Variants in OXR1 observed in about 807,000 individuals in gnomAD.
The protein encoded by OXR1 is oxidation resistance protein 1.
A neutral mutation model predicts 104.6 loss-of-function variants in OXR1; 41 were observed. That is an observed-to-expected ratio of 0.39 (90% CI 0.31 to 0.51). The LOEUF is 0.51. OXR1 is among the 20% of genes least tolerant of loss of function. The pLI is 0.77. For missense variants in OXR1, 955 were observed against 1,031.9 expected (o/e 0.93, Z 1.02); for synonymous variants, 348 against 348.4 (o/e 1.00, Z 0.01).
chr8:106,446,842 A>G (rs951156927), intron 2 of OXR1, among the ~76,000 whole-genome samples: 1 of 152,090 alleles, frequency 6.6e-6, no homozygotes, highest in Non-Finnish European at 1.5e-5. Context: ...TGAAACAGGA[A>G]GATCACTTGA....
In OXR1 at chr8:106,448,113, G is replaced by T. The variant is rs973097006; in HGVS notation, c.24-70830G>T. The T allele has an allele frequency of 2.0e-6, 3 of 1,501,180 alleles. No individual in the cohort carries two copies. The African/African-American group carries it at 4.2e-5, about 21-fold the overall frequency. The allele number at this position is 1,501,180 out of a possible 1,614,324, so 93.0% of individuals were successfully genotyped here. On this transcript the variant is annotated intron_variant, in intron 2 of 16. Coordinates refer to ENST00000517566, the MANE Select transcript of OXR1 (RefSeq NM_001198533.2). ...TGTGTTATGAAGAAAACGTTTCCTA[G>T]TTCCATTATAAAATAGCTCTCTGAT...
chr8:106,643,448 T>TA (rs1480406611), intron 3 of OXR1, among the ~76,000 whole-genome samples: 1 of 144,522 alleles, frequency 6.9e-6, no homozygotes, highest in South Asian at 2.2e-4. Flanking sequence ...TTTTTTTTTT[T>TA]AATTTACAGC....
intron 1 of OXR1, among the ~76,000 whole-genome samples, chr8:106,318,885 A>G (rs1474761346): frequency 6.6e-6 from 1 of 152,226 alleles, no homozygotes; most frequent in African/African-American, 2.4e-5. Context: ...GTCTATCTCC[A>G]GATGTTAAAA....
At chr8:106,281,430 A>G (rs980354298) in intron 1 of OXR1, among the ~76,000 whole-genome samples, 5 of 152,228 alleles carry the variant, frequency 3.3e-5, no homozygotes, top group Admixed American at 6.5e-5. Flanking sequence ...ACCGGTGATC[A>G]CTGAGGATAA....
chr8:106,491,978 A>C (rs1811118378), intron 2 of OXR1, among the ~76,000 whole-genome samples: 1 of 152,210 alleles, frequency 6.6e-6, no homozygotes, highest in Admixed American at 6.6e-5. Context: ...GACACACCAG[A>C]GGTTCTCAAA....
intron 7 of OXR1, among the ~76,000 whole-genome samples, chr8:106,700,043 A>T (rs903597933): frequency 2.0e-5 from 3 of 151,816 alleles, no homozygotes; most frequent in Non-Finnish European, 4.4e-5. Flanking sequence ...GATAGACTTT[A>T]TTTTTTTTAC....
intron 3 of OXR1, among the ~76,000 whole-genome samples, chr8:106,672,681 C>T (rs552134757): frequency 4.6e-5 from 7 of 152,180 alleles, no homozygotes; most frequent in African/African-American, 7.2e-5. Context: ...ATTATAATCC[C>T]GATAATCCCC....
chr8:106,611,944 A>C (rs1282146963), intron 3 of OXR1, among the ~76,000 whole-genome samples: 1 of 151,878 alleles, frequency 6.6e-6, no homozygotes, highest in Non-Finnish European at 1.5e-5. Context: ...ATAAAAACAA[A>C]AAAAAAATAG....
intron 2 of OXR1, among the ~76,000 whole-genome samples, chr8:106,499,692 A>G (rs1811654288): frequency 6.6e-6 from 1 of 152,204 alleles, no homozygotes; most frequent in African/African-American, 2.4e-5. Context: ...ACTTTTGAAT[A>G]ACTGGTAGAG....
intron 1 of OXR1, among the ~76,000 whole-genome samples, chr8:106,291,087 T>C (rs1312048317): frequency 2.6e-5 from 4 of 152,196 alleles, no homozygotes; most frequent in African/African-American, 9.7e-5. Flanking sequence ...TTATGGTACA[T>C]ATACATCATG....
intron 2 of OXR1, among the ~76,000 whole-genome samples, chr8:106,386,093 G>C (rs1211403899): frequency 3.3e-5 from 5 of 149,360 alleles, no homozygotes; most frequent in Non-Finnish European, 7.4e-5. Context: ...CAGCAGCAAG[G>C]TTTCCTCTAG....
chr8:106,718,169 A>G (rs992921727), intron 11 of OXR1, among the ~76,000 whole-genome samples: 1 of 152,184 alleles, frequency 6.6e-6, no homozygotes, highest in Admixed American at 6.5e-5. Context: ...GTTTAACTTT[A>G]TGAACTCTAT....
intron 3 of OXR1, among the ~76,000 whole-genome samples, chr8:106,637,090 C>T (rs1823201286): frequency 6.6e-6 from 1 of 152,154 alleles, no homozygotes; most frequent in Non-Finnish European, 1.5e-5. Context: ...ATGCCCCACA[C>T]ACCCCTCTAC....
intron 1 of OXR1, among the ~76,000 whole-genome samples, chr8:106,339,427 G>A (rs1316468372): frequency 4.9e-5 from 7 of 143,430 alleles, no homozygotes; most frequent in Non-Finnish European, 7.5e-5. Flanking sequence ...CCTGGCAGGC[G>A]GAGCTTGCAG....
Position 106,705,995 on chromosome 8 carries a change from TTTAA to T in OXR1, c.861-382_861-379del, listed in dbSNP as rs762072281. Among the ~76,000 whole-genome samples, 32 of 152,260 alleles carry T rather than the reference TTTAA, an allele frequency of 2.1e-4. 1 individual carries two copies. In the East Asian group the frequency reaches 3.7e-3, roughly 17 times the overall value. On this transcript the variant is annotated intron_variant, in intron 8 of 16. Transcript: ENST00000517566. Reference sequence around the variant, plus strand: ...TTTACTTTATTGGGAGATTTAAAATTTTAATTAAACATTTCTCTGTGTTTATTTT... The same window carrying T: ...TTTACTTTATTGGGAGATTTAAAATTTTAAACATTTCTCTGTGTTTATTTT...
intron 3 of OXR1, among the ~76,000 whole-genome samples, chr8:106,648,605 C>T (rs892406305): frequency 6.6e-5 from 10 of 152,064 alleles, no homozygotes; most frequent in East Asian, 1.9e-4. Context: ...AATAGTGCTG[C>T]GGGGGCAGGG....
intron 7 of OXR1, among the ~76,000 whole-genome samples, chr8:106,702,435 T>A (rs1055836904): frequency 1.3e-5 from 2 of 152,164 alleles, no homozygotes. Context: ...TAGAGTCAAG[T>A]GGAAACAGAT....
At chr8:106,736,165 A>ACCCCCC (rs5893803) in intron 11 of OXR1, among the ~76,000 whole-genome samples, 1 of 145,608 alleles carries the variant, frequency 6.9e-6, no homozygotes, top group Non-Finnish European at 1.5e-5. Flanking sequence ...TTTATCTGAC[A>ACCCCCC]CCCCCCCCCA....
intron 2 of OXR1, among the ~76,000 whole-genome samples, chr8:106,500,221 T>C (rs1273733380): frequency 6.6e-6 from 1 of 152,216 alleles, no homozygotes; most frequent in African/African-American, 2.4e-5. Context: ...TATATTGTTT[T>C]ATACTCAGTA....
Sources: gnomAD v4.1 joint callset for allele counts (sites outside exome capture counted in the v4.1 genomes callset) on GRCh38, gnomAD v4.1.1 for gene constraint, MANE v1.5 for transcripts, NCBI Gene and HGNC (gene_info 2026-07-23, HGNC 2026-07-21) for gene names.